GALNT13: variants seen among roughly 807,000 people sequenced by gnomAD.
GALNT13 encodes UDP-GalNAc:polypeptide N-acetylgalactosaminyltransferase 13.
In GALNT13, 28 loss-of-function variants were observed where a neutral mutation model predicts 64.2. That is an observed-to-expected ratio of 0.44 (90% CI 0.32 to 0.60). The LOEUF (loss-of-function observed/expected upper bound fraction) is 0.60, where lower values mean the gene tolerates loss of function less well. Among genes scored for constraint, GALNT13 ranks in the 20% least tolerant of loss-of-function variants. The pLI, the probability that GALNT13 is intolerant of heterozygous loss-of-function variation, is 0.05. For synonymous variants in GALNT13, 214 were observed against 224.6 expected (o/e 0.95, Z 0.42); for missense variants, 577 against 669.8 (o/e 0.86, Z 1.53).
At chr2:153,328,745 A>G in the GALNT13 span, among the ~76,000 whole-genome samples, 1 of 152,080 alleles carries the variant, frequency 6.6e-6, no homozygotes, top group Non-Finnish European at 1.5e-5. Context: ...GTTGGGCTCC[A>G]TAGGGGTGGG....
chr2:153,699,158 T>C, the GALNT13 span, among the ~76,000 whole-genome samples: 295 of 151,736 alleles, frequency 1.9e-3, 2 homozygotes, highest in African/African-American at 6.5e-3. Flanking sequence ...GAGGTAGAGG[T>C]TGCAAAAAAG....
At chr2:153,814,539 G>A in the GALNT13 span, among the ~76,000 whole-genome samples, 10 of 152,028 alleles carry the variant, frequency 6.6e-5, no homozygotes, top group Non-Finnish European at 1.2e-4. Context: ...GATTTGAGGC[G>A]TGAGGAAACA....
the GALNT13 span, among the ~76,000 whole-genome samples, chr2:153,765,457 C>A: frequency 6.6e-6 from 1 of 152,196 alleles, no homozygotes; most frequent in Non-Finnish European, 1.5e-5. Context: ...TGGCCAATTT[C>A]TCCTATTTGA....
the GALNT13 span, among the ~76,000 whole-genome samples, chr2:153,439,778 A>G: frequency 6.6e-6 from 1 of 152,040 alleles, no homozygotes; most frequent in Non-Finnish European, 1.5e-5. Context: ...GGGTGAGGCG[A>G]TGCCTTTCCC....
chr2:154,383,415 C>A (rs1698367545), intron 9 of GALNT13, among the ~76,000 whole-genome samples: 2 of 151,626 alleles, frequency 1.3e-5, no homozygotes, highest in African/African-American at 4.8e-5. Context: ...AATTATATGC[C>A]CTATGTTTAC....
chr2:154,099,478 G>A (rs1023016124), intron 3 of GALNT13, among the ~76,000 whole-genome samples: 3 of 151,948 alleles, frequency 2.0e-5, no homozygotes, highest in Admixed American at 6.6e-5. Context: ...GGTCTTCATC[G>A]TAAATTATTT....
chr2:153,794,990 A>C, the GALNT13 span, among the ~76,000 whole-genome samples: 3 of 152,328 alleles, frequency 2.0e-5, no homozygotes, highest in African/African-American at 7.2e-5. Flanking sequence ...TCTTTGCCAT[A>C]GTTTCAAAAC....
the GALNT13 span, among the ~76,000 whole-genome samples, chr2:153,846,055 C>G: frequency 6.6e-6 from 1 of 152,088 alleles, no homozygotes; most frequent in African/African-American, 2.4e-5. Flanking sequence ...CAATTTGATA[C>G]TTTTCTTATT....
the GALNT13 span, among the ~76,000 whole-genome samples, chr2:153,837,570 G>A: frequency 6.6e-6 from 1 of 151,790 alleles, no homozygotes; most frequent in Admixed American, 6.6e-5. Flanking sequence ...CCATTTTATT[G>A]CAAATCAGTA....
chr2:154,052,632 A>G (rs1392349749), intron 3 of GALNT13, among the ~76,000 whole-genome samples: 3 of 152,066 alleles, frequency 2.0e-5, no homozygotes, highest in Non-Finnish European at 2.9e-5. Context: ...TAGGACCCTC[A>G]AGTGTACTGG....
At chr2:153,740,236 T>G in the GALNT13 span, among the ~76,000 whole-genome samples, 1 of 152,126 alleles carries the variant, frequency 6.6e-6, no homozygotes. Context: ...CACTATGTGG[T>G]TTGATATTGA....
intron 2 of GALNT13, among the ~76,000 whole-genome samples, chr2:153,916,823 C>G (rs1689381781): frequency 6.6e-6 from 1 of 152,076 alleles, no homozygotes; most frequent in African/African-American, 2.4e-5. Flanking sequence ...TTGAGTAGAG[C>G]TTTACCTTTT....
the GALNT13 span, among the ~76,000 whole-genome samples, chr2:153,213,880 G>A: frequency 6.6e-6 from 1 of 152,128 alleles, no homozygotes; most frequent in Non-Finnish European, 1.5e-5. Context: ...TTCATTAGGA[G>A]CATTAGTGCT....
intron 11 of GALNT13, among the ~76,000 whole-genome samples, chr2:154,421,737 T>C (rs1209253418): frequency 2.0e-5 from 3 of 152,136 alleles, no homozygotes; most frequent in African/African-American, 7.2e-5. Flanking sequence ...GTGTTAGCAG[T>C]ATGAAATGGG....
At chr2:153,524,914 G>T in the GALNT13 span, among the ~76,000 whole-genome samples, 1 of 152,180 alleles carries the variant, frequency 6.6e-6, no homozygotes, top group Non-Finnish European at 1.5e-5. Context: ...ATACTAGCCA[G>T]AGTAGCTAGA....
At chr2:153,545,184 C>T in the GALNT13 span, among the ~76,000 whole-genome samples, 7 of 152,098 alleles carry the variant, frequency 4.6e-5, no homozygotes, top group East Asian at 1.9e-4. Flanking sequence ...AGTCCACAGC[C>T]GGTGAGGTGA....
chr2:153,073,506 T>G, the GALNT13 span, among the ~76,000 whole-genome samples: 683 of 151,982 alleles, frequency 4.5e-3, 11 homozygotes, highest in Admixed American at 0.017. Context: ...ATAAACTGAT[T>G]TTTCATACTC....
At chr2:154,069,768 G>T (rs1700649908) in intron 3 of GALNT13, among the ~76,000 whole-genome samples, 1 of 152,000 alleles carries the variant, frequency 6.6e-6, no homozygotes, top group Admixed American at 6.6e-5. Flanking sequence ...CCTATACATT[G>T]AGGAAAGGAT....
chr2:153,216,586 A>T, the GALNT13 span, among the ~76,000 whole-genome samples: 1,951 of 152,068 alleles, frequency 0.013, 24 homozygotes, highest in Non-Finnish European at 0.018. Flanking sequence ...TATTTTCATG[A>T]GCTTGTCACC....
Sources: gnomAD v4.1 joint callset for allele counts (sites outside exome capture counted in the v4.1 genomes callset) on GRCh38, gnomAD v4.1.1 for gene constraint, MANE v1.5 for transcripts, NCBI Gene and HGNC (gene_info 2026-07-23, HGNC 2026-07-21) for gene names.